PLSCR4: variants seen among roughly 807,000 people sequenced by gnomAD.
The protein encoded by PLSCR4 is phospholipid scramblase 4.
Under a neutral mutation model 36.3 loss-of-function variants are expected in PLSCR4, and 25 were observed. That is an observed-to-expected ratio of 0.69 (90% CI 0.50 to 0.96). The LOEUF (loss-of-function observed/expected upper bound fraction) is 0.96, where lower values mean the gene tolerates loss of function less well. Among genes scored for constraint, PLSCR4 ranks in the 40% least tolerant of loss-of-function variants. The pLI is 0.00. For missense variants in PLSCR4, 408 were observed against 414.7 expected, an observed-to-expected ratio of 0.98 and a Z score of 0.14; for synonymous variants, 122 against 132.9, an observed-to-expected ratio of 0.92 and a Z score of 0.56.
chr3:146,194,904 C>T (rs1282174968), intron 8 of PLSCR4, among the ~76,000 whole-genome samples: 1 of 152,144 alleles, frequency 6.6e-6, no homozygotes, highest in African/African-American at 2.4e-5. Context: ...ACCATGATAG[C>T]TAACATTCAT....
At chr3:146,225,514 A>G (rs2108305481) in intron 1 of PLSCR4, among the ~76,000 whole-genome samples, 1 of 152,252 alleles carries the variant, frequency 6.6e-6, no homozygotes, top group East Asian at 1.9e-4. Context: ...CGGGCCGCAC[A>G]GGAGCCCATG....
At chr3:146,203,612 G>A (rs1276261179) in intron 4 of PLSCR4, among the ~76,000 whole-genome samples, 2 of 151,956 alleles carry the variant, frequency 1.3e-5, no homozygotes, top group African/African-American at 4.8e-5. Context: ...GCACTTCTAT[G>A]TTACAAAAGT....
At chr3:146,247,218 C>T (rs59055507) in intron 1 of PLSCR4, among the ~76,000 whole-genome samples, 2,481 of 152,074 alleles carry the variant, frequency 0.016, 68 homozygotes, top group African/African-American at 0.056. Context: ...TATTTTCTTC[C>T]TGTGGATCTG....
chr3:146,203,324 C>A (rs1366628364), intron 4 of PLSCR4, among the ~76,000 whole-genome samples: 1 of 151,760 alleles, frequency 6.6e-6, no homozygotes, highest in Admixed American at 6.6e-5. Flanking sequence ...TCCATCAGAG[C>A]TCTTGGGTGA....
chr3:146,200,933 A>T, intron 5 of PLSCR4, 102 bp downstream of exon 5: 2 of 710,470 alleles, frequency 2.8e-6, no homozygotes, highest in South Asian at 1.9e-5. Flanking sequence ...TTTTTCTTTG[A>T]GCCACTAAAA....
chr3:146,225,509 C>G (rs1337332519), intron 1 of PLSCR4, among the ~76,000 whole-genome samples: 4 of 152,144 alleles, frequency 2.6e-5, no homozygotes, highest in East Asian at 1.9e-4. Context: ...AGGCTCGGGC[C>G]GCACAGGAGC....
intron 1 of PLSCR4, among the ~76,000 whole-genome samples, chr3:146,239,968 T>C (rs891421155): frequency 7.9e-5 from 12 of 152,098 alleles, no homozygotes; most frequent in African/African-American, 2.9e-4. Context: ...CTTCATGACA[T>C]TGGGTTAGGC....
intron 1 of PLSCR4, among the ~76,000 whole-genome samples, chr3:146,238,168 A>G (rs2035994777): frequency 1.3e-5 from 2 of 151,892 alleles, no homozygotes; most frequent in Admixed American, 6.5e-5. Flanking sequence ...TAGAACTGTA[A>G]TAAGAGGCTA....
intron 3 of PLSCR4, among the ~76,000 whole-genome samples, chr3:146,215,781 G>T (rs1317395152): frequency 6.6e-6 from 1 of 152,202 alleles, no homozygotes; most frequent in East Asian, 1.9e-4. Flanking sequence ...AATTTGGGCT[G>T]TGTTGTTAAA....
rs1354049355 is a variant in PLSCR4, at chr3:146,220,852, A to G, written c.81T>C (p.Pro27=). The G allele has an allele frequency of 6.2e-7, 1 of 1,613,146 alleles. No homozygotes were observed. Among genetic ancestry groups the G allele is most frequent in the East Asian group, 2.2e-5 (1 of 44,844 alleles). The part of the protein sequence containing the change: ...ENQTKPPDPR[P]DAPPEYNSHF... ...GAGAATTGTATTCAGGAGGAGCATC[A>G]GGCCTTGGATCTGGTGGTTTTGTTT... The change falls in exon 3 of 9, where the codon CCT becomes CCC. Residue 27 remains proline (P), a synonymous_variant. Coordinates refer to ENST00000354952, the MANE Select transcript of PLSCR4 (RefSeq NM_020353.3).
At position 146,199,887 on chromosome 3, in the gene PLSCR4, G is replaced by A. The variant is rs765957176; in HGVS notation, c.550C>T (p.Arg184Ter). The stretch of plus-strand genomic sequence containing the variant: ...GGTCTCTGCATTGTCATGATTTCTC[G>A]GCCCATACAATCAGTGACCCGGAGG... ...FVLRVTDCMGREIMTMQRPFR... is the reference protein window; with the variant it reads ...FVLRVTDCMG The change falls in exon 6 of 9, where the codon CGA becomes TGA. Residue 184 changes from arginine (R) to a stop codon, truncating the protein, a stop_gained. Coordinates refer to ENST00000354952, the MANE Select transcript of PLSCR4 (RefSeq NM_020353.3). LOFTEE classifies it high-confidence loss of function. 29 of 1,613,520 alleles carry A rather than the reference G, an allele frequency of 1.8e-5. No homozygotes were observed. The highest frequency in any genetic ancestry group is 1.2e-4 in the South Asian group (11 of 91,060).
intron 7 of PLSCR4, 73 bp downstream of exon 7, chr3:146,196,559 C>T: frequency 7.0e-7 from 1 of 1,427,208 alleles, no homozygotes; most frequent in Non-Finnish European, 9.8e-7. Flanking sequence ...AAAATGTCTA[C>T]AACCAGATCT....
At position 146,196,678 on chromosome 3, in the gene PLSCR4, C is replaced by T. The variant is rs371918681; in HGVS notation, c.740G>A (p.Arg247His). The change falls in exon 7 of 9, where the codon CGT (arginine) becomes CAT (histidine). Residue 247 changes from arginine (R) to histidine (H), a missense_variant. Arg to His is a conservative substitution (Grantham distance 29). Coordinates refer to ENST00000354952, the MANE Select transcript of PLSCR4 (RefSeq NM_020353.3). ...NEKKENVMRVRGPCSTYGCGS... is the reference protein window; with the variant it reads ...NEKKENVMRVHGPCSTYGCGS... ...ACAGCCATAGGTTGAGCATGGCCCACGAACTCTCATCACATTTTCTTTCTT... is the reference window on the plus strand; with the variant it reads ...ACAGCCATAGGTTGAGCATGGCCCATGAACTCTCATCACATTTTCTTTCTT... The T allele has an allele frequency of 2.4e-5, 38 of 1,614,000 alleles. No individual in the cohort carries two copies. Among genetic ancestry groups the T allele is most frequent in the East Asian group, 2.0e-4 (9 of 44,870 alleles).
chr3:146,210,736 A>G (rs1044776087), intron 3 of PLSCR4, among the ~76,000 whole-genome samples: 1 of 152,080 alleles, frequency 6.6e-6, no homozygotes, highest in Non-Finnish European at 1.5e-5. Flanking sequence ...ACCCATTAGC[A>G]GCAATTTCCA....
intron 1 of PLSCR4, among the ~76,000 whole-genome samples, chr3:146,227,124 G>C (rs1220313513): frequency 6.6e-6 from 1 of 152,138 alleles, no homozygotes; most frequent in Non-Finnish European, 1.5e-5. Context: ...CTATCACTTA[G>C]CAACAGCAAA....
Position 146,242,255 on chromosome 3 carries a change from G to T in PLSCR4, c.-22+8705C>A, listed in dbSNP as rs553277405. 2.6e-5 allele frequency among the ~76,000 whole-genome samples: 4 copies of T among 152,086 alleles called. No individual in the cohort carries two copies. The East Asian group carries it at 7.7e-4, about 29-fold the overall frequency. On this transcript the variant is annotated intron_variant, in intron 1 of 8. Transcript: ENST00000354952. ...CTGAGGGCTGCCTGATTCATGAATC[G>T]TTTTTCGCTCAGATAAACTCTGCTG...
intron 1 of PLSCR4, 89 bp from the exon 2 acceptor site, chr3:146,222,181 T>G (rs2035189001): frequency 2.2e-6 from 1 of 452,310 alleles, no homozygotes; most frequent in African/African-American, 2.0e-5. Flanking sequence ...TTTCTGTAAT[T>G]TTTTTAACCT....
intron 1 of PLSCR4, among the ~76,000 whole-genome samples, chr3:146,234,938 C>A (rs1174678714): frequency 9.2e-5 from 14 of 152,284 alleles, no homozygotes; most frequent in South Asian, 4.1e-4. Context: ...ACATTGAAAT[C>A]ATAACTCACA....
At chr3:146,241,035 A>G (rs2036129473) in intron 1 of PLSCR4, among the ~76,000 whole-genome samples, 2 of 152,140 alleles carry the variant, frequency 1.3e-5, no homozygotes, top group African/African-American at 4.8e-5. Flanking sequence ...TACATGCTAT[A>G]TCCTGGATGA....
Sources: allele counts gnomAD v4.1 joint callset (sites outside exome capture counted in the v4.1 genomes callset), GRCh38; gene constraint gnomAD v4.1.1; transcripts MANE v1.5; gene names NCBI Gene and HGNC (gene_info 2026-07-23, HGNC 2026-07-21).